Variants in INSL4 observed in about 807,000 individuals in gnomAD.
INSL4 encodes insulin like 4.
INSL4 carries 7 observed loss-of-function variants against 6.5 expected under a neutral mutation model. That is an observed-to-expected ratio of 1.08 (90% CI 0.61 to 2.02). The LOEUF (loss-of-function observed/expected upper bound fraction) is 2.02. Among genes scored for constraint, INSL4 ranks in the 30% most tolerant of loss-of-function variants. INSL4 has a pLI of 0.00. For synonymous variants in INSL4, 82 were observed against 65.8 expected, an observed-to-expected ratio of 1.25 and a Z score of -1.19; for missense variants, 226 against 163.2, an observed-to-expected ratio of 1.38 and a Z score of -2.09.
At chr9:5,231,757 C>G in intron 1 of INSL4, 38 bp downstream of exon 1, 3 of 1,579,050 alleles carry the variant, frequency 1.9e-6, no homozygotes, top group Non-Finnish European at 2.6e-6. Flanking sequence ...AGAATGAGGC[C>G]TGAAAAAACA....
intron 1 of INSL4, among the ~76,000 whole-genome samples, chr9:5,233,227 A>G (rs920164806): frequency 6.6e-6 from 1 of 152,136 alleles, no homozygotes; most frequent in Non-Finnish European, 1.5e-5. Context: ...GCTAAGATCC[A>G]CTGATATAGA....
Position 5,234,007 on chromosome 9 carries a change from C to G in INSL4, c.*130C>G. ...TCATTATTAGTATTCACATGTTTCA[C>G]TTGCTCTGTACTAATATAGTCTCTC... On this transcript the variant is annotated 3_prime_UTR_variant, in exon 2 of 2. Transcript: ENST00000239316. 1.5e-6 allele frequency: 1 copy of G among 681,310 alleles called. No individual in the cohort carries two copies. The highest frequency in any genetic ancestry group is 2.7e-5 in the East Asian group (1 of 36,862). 42.2% of individuals were successfully genotyped at this position (681,310 alleles called of 1,614,324 possible). A position where few individuals can be genotyped will look rare whatever the true frequency, so the allele number is the denominator to read the frequency against.
At position 5,231,548 on chromosome 9, in the gene INSL4, C is replaced by A. The variant is rs770869591; in HGVS notation, c.25C>A (p.Leu9Met). 3.7e-6 allele frequency: 6 copies of A among 1,613,532 alleles called. No homozygotes were observed. The highest frequency in any genetic ancestry group is 5.1e-6 in the Non-Finnish European group (6 of 1,179,830). ...GATGGCCAGCCTGTTCCGGTCCTAT[C>A]TGCCAGCAATCTGGCTGCTGCTGAG... is the stretch of plus-strand genomic sequence containing the variant. The part of the protein sequence containing the change: MASLFRSY[L>M]PAIWLLLSQL... Residue 9 changes from leucine to methionine, a missense_variant, in exon 1 of 2, where the codon CTG becomes ATG. Coordinates refer to ENST00000239316, the MANE Select transcript of INSL4 (RefSeq NM_002195.2).
At position 5,234,274 on chromosome 9, in the gene INSL4, T is replaced by C. The variant is rs1027472601; in HGVS notation, c.*397T>C. 4 of 169,148 alleles carry C rather than the reference T, an allele frequency of 2.4e-5. No individual in the cohort carries two copies. Among genetic ancestry groups the C allele is most frequent in the Non-Finnish European group, 3.8e-5 (3 of 78,312 alleles). 10.5% of individuals were successfully genotyped at this position (169,148 alleles called of 1,614,324 possible). On this transcript the variant is annotated 3_prime_UTR_variant, in exon 2 of 2. Transcript: ENST00000239316. Reference sequence around the variant, plus strand: ...ACTACAAAAATGTGTATAACTGTAATATGTGAACTACAAACTTACTGGAAA... The same window carrying C: ...ACTACAAAAATGTGTATAACTGTAACATGTGAACTACAAACTTACTGGAAA...
At chr9:5,232,680 G>C (rs73391216) in intron 1 of INSL4, among the ~76,000 whole-genome samples, 2,214 of 152,314 alleles carry the variant, frequency 0.015, 49 homozygotes, top group African/African-American at 0.045. Context: ...GTTTCGAAAA[G>C]AGATAGAGGC....
In INSL4 at chr9:5,233,180, C is replaced by T. The variant is rs113791622; in HGVS notation, c.197-474C>T. Among the ~76,000 whole-genome samples, 248 of 152,046 alleles carry T rather than the reference C, an allele frequency of 1.6e-3. 3 individuals carry two copies. The highest frequency in any genetic ancestry group is 5.5e-3 in the African/African-American group (230 of 41,484). On this transcript the variant is annotated intron_variant, in intron 1 of 1. Transcript: ENST00000239316. ...GATAACAAATGTTAACATTTGGTGT[C>T]GACACATATAGATGTATGTTGCTTC... is the stretch of plus-strand genomic sequence containing the variant.
rs573167261 is a variant in INSL4, at chr9:5,234,935, G to C, written c.*1058G>C. The C allele has an allele frequency of 2.0e-5, 3 of 152,256 alleles. No individual in the cohort carries two copies. The highest frequency in any genetic ancestry group is 7.2e-5 in the African/African-American group (3 of 41,546). The allele number at this position is 152,256 out of a possible 1,614,324, so 9.4% of individuals were successfully genotyped here. A position where few individuals can be genotyped will look rare whatever the true frequency, so the allele number is the denominator to read the frequency against. ...AATGATACTTGTAGGTCATCATAGA[G>C]ACTGTAATGATCCACAGGAATCAGG... On this transcript the variant is annotated 3_prime_UTR_variant, in exon 2 of 2. Coordinates refer to ENST00000239316, the MANE Select transcript of INSL4 (RefSeq NM_002195.2).
In INSL4 at chr9:5,235,143, T is replaced by C. The variant is rs1266172211; in HGVS notation, c.*1266T>C. 1.3e-5 allele frequency: 2 copies of C among 152,944 alleles called. No individual in the cohort carries two copies. Among genetic ancestry groups the C allele is most frequent in the South Asian group, 2.1e-4 (1 of 4,818 alleles). 9.5% of individuals were successfully genotyped at this position (152,944 alleles called of 1,614,324 possible). A position where few individuals can be genotyped will look rare whatever the true frequency, so the allele number is the denominator to read the frequency against. ...GAAAATGCACAAAGGCCTGGAAGCA[T>C]AGCATGTGTGGAAACAGCCAGAGTC... is the stretch of plus-strand genomic sequence containing the variant. On this transcript the variant is annotated 3_prime_UTR_variant, in exon 2 of 2. Transcript: ENST00000239316.
In INSL4 at chr9:5,231,511, G is replaced by C; in HGVS notation, c.-13G>C. 2.5e-6 allele frequency: 4 copies of C among 1,610,708 alleles called. No homozygotes were observed. The highest frequency in any genetic ancestry group is 3.4e-6 in the Non-Finnish European group (4 of 1,178,738). On this transcript the variant is annotated 5_prime_UTR_variant, in exon 1 of 2. Coordinates refer to ENST00000239316, the MANE Select transcript of INSL4 (RefSeq NM_002195.2). Reference sequence around the variant, plus strand: ...GGCTGAGAACACCCAGAACAGGAGAGTTCAGGTCCAGGATGGCCAGCCTGT... The same window carrying C: ...GGCTGAGAACACCCAGAACAGGAGACTTCAGGTCCAGGATGGCCAGCCTGT...
intron 1 of INSL4, 65 bp from the exon 2 acceptor site, chr9:5,233,588 AT>A: frequency 1.5e-6 from 2 of 1,295,522 alleles, no homozygotes; most frequent in South Asian, 2.5e-5. Context: ...AAATTGTATA[AT>A]TTTTCTGATC....
chr9:5,234,987 G>C lies in INSL4; in HGVS notation c.*1110G>C, dbSNP rs887885783. 1.3e-5 allele frequency: 2 copies of C among 152,122 alleles called. No individual in the cohort carries two copies. The highest frequency in any genetic ancestry group is 2.9e-5 in the Non-Finnish European group (2 of 68,038). 9.4% of individuals were successfully genotyped at this position (152,122 alleles called of 1,614,324 possible). On this transcript the variant is annotated 3_prime_UTR_variant, in exon 2 of 2. Transcript: ENST00000239316. ...TCGTGTTTAATGCCAACATGTGAAA[G>C]AATAAATATACAGGGAACAGTGTAG...
At chr9:5,233,550 G>A in intron 1 of INSL4, 104 bp from the exon 2 acceptor site, 1 of 741,716 alleles carries the variant, frequency 1.3e-6, no homozygotes. Flanking sequence ...TAATTACATG[G>A]AGGCAATGGG....
rs1826147325 is a variant in INSL4, at chr9:5,231,643, G to A, written c.120G>A (p.Leu40=). ...GCGPRFGKHL[L]SYCPMPEKTF... ...GTCCCCGATTTGGAAAACACTTGCTGTCATATTGCCCCATGCCTGAGAAGA... is the reference window on the plus strand; with the variant it reads ...GTCCCCGATTTGGAAAACACTTGCTATCATATTGCCCCATGCCTGAGAAGA... Residue 40 remains leucine (L), a synonymous_variant, in exon 1 of 2, where the codon CTG becomes CTA. Transcript: ENST00000239316. The A allele has an allele frequency of 6.2e-7, 1 of 1,613,908 alleles. No homozygotes were observed. The highest frequency in any genetic ancestry group is 8.5e-7 in the Non-Finnish European group (1 of 1,179,880).
Position 5,231,642 on chromosome 9 carries a change from T to G in INSL4, c.119T>G (p.Leu40Arg). Reference protein sequence around the residue: ...GCGPRFGKHLLSYCPMPEKTF... With the variant: ...GCGPRFGKHLRSYCPMPEKTF... ...GGTCCCCGATTTGGAAAACACTTGC[T>G]GTCATATTGCCCCATGCCTGAGAAG... Residue 40 changes from leucine to arginine, a missense_variant, in exon 1 of 2, where the codon CTG becomes CGG. Physicochemically the swap from Leu to Arg is moderately radical, Grantham distance 102. Transcript: ENST00000239316. The G allele has an allele frequency of 6.2e-7, 1 of 1,613,888 alleles. No homozygotes were observed. The highest frequency in any genetic ancestry group is 8.5e-7 in the Non-Finnish European group (1 of 1,179,874).
At position 5,233,888 on chromosome 9, in the gene INSL4, A is replaced by T; in HGVS notation, c.*11A>T. 8 of 1,554,726 alleles carry T rather than the reference A, an allele frequency of 5.1e-6. No homozygotes were observed. Among genetic ancestry groups the T allele is most frequent in the Non-Finnish European group, 7.1e-6 (8 of 1,126,470 alleles). ...AAATTATGTACATAGTAGAGTAATC[A>T]TGGACTGGACATCTCATCCATTCTC... On this transcript the variant is annotated 3_prime_UTR_variant, in exon 2 of 2. Coordinates refer to ENST00000239316, the MANE Select transcript of INSL4 (RefSeq NM_002195.2).
chr9:5,233,482 ACT>A (rs1053873971), intron 1 of INSL4, among the ~76,000 whole-genome samples, 170 bp from the exon 2 acceptor site: 21 of 152,018 alleles, frequency 1.4e-4, no homozygotes, highest in African/African-American at 5.1e-4. Flanking sequence ...AAAGTGCCCT[ACT>A]CTAAGTAAGC....
Position 5,234,956 on chromosome 9 carries a change from T to A in INSL4, c.*1079T>A, listed in dbSNP as rs931194214. 6.6e-6 allele frequency: 1 copy of A among 152,092 alleles called. No homozygotes were observed. Among genetic ancestry groups the A allele is most frequent in the African/African-American group, 2.4e-5 (1 of 41,422 alleles). The allele number at this position is 152,092 out of a possible 1,614,324, so 9.4% of individuals were successfully genotyped here. ...TAGAGACTGTAATGATCCACAGGAATCAGGGTCGTGTTTAATGCCAACATG... is the reference window on the plus strand; with the variant it reads ...TAGAGACTGTAATGATCCACAGGAAACAGGGTCGTGTTTAATGCCAACATG... On this transcript the variant is annotated 3_prime_UTR_variant, in exon 2 of 2. Coordinates refer to ENST00000239316, the MANE Select transcript of INSL4 (RefSeq NM_002195.2).
rs11789120 is a variant in INSL4, at chr9:5,233,695, G to C, written c.238G>C (p.Gly80Arg). Residue 80 changes from glycine to arginine, a missense_variant, in exon 2 of 2, where the codon GGT becomes CGT. Physicochemically the swap from Gly to Arg is moderately radical, Grantham distance 125. Coordinates refer to ENST00000239316, the MANE Select transcript of INSL4 (RefSeq NM_002195.2). ...CAACAACAAAGATGGACAAGCCTTA[G>C]GTACGACATCAGAATTCATTCCTAA... is the stretch of plus-strand genomic sequence containing the variant. ...TSNNKDGQAL[G>R]TTSEFIPNLS... 3.7e-6 allele frequency: 6 copies of C among 1,613,594 alleles called. No homozygotes were observed. The East Asian group carries it at 1.3e-4, about 36-fold the overall frequency.
chr9:5,232,284 T>C (rs535720713), intron 1 of INSL4, among the ~76,000 whole-genome samples: 1 of 152,288 alleles, frequency 6.6e-6, no homozygotes, highest in African/African-American at 2.4e-5. Flanking sequence ...TCATCCTTTG[T>C]CATTAAGCTG....
Sources: gnomAD v4.1 joint callset for allele counts (sites outside exome capture counted in the v4.1 genomes callset) on GRCh38, gnomAD v4.1.1 for gene constraint, MANE v1.5 for transcripts, NCBI Gene and HGNC (gene_info 2026-07-23, HGNC 2026-07-21) for gene names.